The following COL4A4 variants were observed in gnomAD, a reference collection of about 807,000 sequenced individuals.
COL4A4 encodes the protein collagen type IV alpha 4 chain.
In COL4A4, 105 loss-of-function variants were observed where a neutral mutation model predicts 192.9. The observed-to-expected ratio is 0.54, with a 90% CI of 0.46 to 0.64. The LOEUF is 0.64. Ranked by LOEUF, COL4A4 falls within the 30% of genes least tolerant of loss-of-function variation. The pLI is 0.00. For synonymous variants in COL4A4, 762 were observed against 769.9 expected (o/e 0.99, Z 0.17); for missense variants, 1,967 against 2,169.3 (o/e 0.91, Z 1.85).
At chr2:227,113,095 T>A (rs1270888769) in intron 8 of COL4A4, among the ~76,000 whole-genome samples, 2 of 152,240 alleles carry the variant, frequency 1.3e-5, no homozygotes, top group African/African-American at 4.8e-5. Context: ...AATTGCTGGA[T>A]CATATAGTAA....
chr2:227,139,082 C>T (rs1164292276), intron 4 of COL4A4, among the ~76,000 whole-genome samples: 2 of 152,002 alleles, frequency 1.3e-5, no homozygotes, highest in Non-Finnish European at 2.9e-5. Flanking sequence ...GGATGAATGC[C>T]CATATAAATG....
intron 44 of COL4A4, among the ~76,000 whole-genome samples, chr2:227,020,964 C>T (rs1450860235): frequency 6.7e-6 from 1 of 149,880 alleles, no homozygotes; most frequent in African/African-American, 2.5e-5. Context: ...CTCCACCGTT[C>T]AAGCGATTCT....
At chr2:227,031,033 GGATGGACA>G (rs1968243726) in intron 40 of COL4A4, among the ~76,000 whole-genome samples, 1 of 150,748 alleles carries the variant, frequency 6.6e-6, no homozygotes. Flanking sequence ...ATAGATGGTT[GGATGGACA>G]GATGGATGGA....
chr2:227,020,880 C>CTTTTTTTTTTT lies in COL4A4; in HGVS notation c.4216+1157_4216+1167dup, dbSNP rs57119611. Among the ~76,000 whole-genome samples the CTTTTTTTTTTT allele has an allele frequency of 3.0e-3, 388 of 127,520 alleles. 32 individuals are homozygous for CTTTTTTTTTTT. Among genetic ancestry groups the CTTTTTTTTTTT allele is most frequent in the African/African-American group, 9.5e-3 (301 of 31,558 alleles). 83.7% of individuals were successfully genotyped at this position (127,520 alleles called of 152,430 possible). On this transcript the variant is annotated intron_variant, in intron 44 of 47. Transcript: ENST00000396625. ...CAAACCATTCGGAGAACACTTTTTT[C>CTTTTTTTTTTT]TTTTTTTTTTTTTTTTGAGATGGAG...
chr2:227,082,837 T>C (rs1234462522), intron 22 of COL4A4, among the ~76,000 whole-genome samples: 2 of 152,346 alleles, frequency 1.3e-5, no homozygotes, highest in African/African-American at 2.4e-5. Context: ...TTGGCTGACA[T>C]GCTCATGCTC....
intron 4 of COL4A4, among the ~76,000 whole-genome samples, chr2:227,129,666 C>T (rs1010354311): frequency 7.2e-5 from 11 of 152,134 alleles, no homozygotes; most frequent in Non-Finnish European, 1.2e-4. Flanking sequence ...CCCTCGGCCT[C>T]CCAAAGTGCC....
At chr2:226,974,196 GC>G in the COL4A4 span, among the ~76,000 whole-genome samples, 2 of 152,054 alleles carry the variant, frequency 1.3e-5, no homozygotes, top group African/African-American at 4.8e-5. Context: ...AGGGACTTGA[GC>G]CCAGAGTGTT....
chr2:227,007,439 T>C lies in COL4A4; in HGVS notation c.4959A>G (p.Thr1653=), dbSNP rs574960389. 45 of 1,614,218 alleles carry C rather than the reference T, an allele frequency of 2.8e-5. No individual in the cohort carries two copies. In the South Asian group the frequency reaches 4.4e-4, roughly 16 times the overall value. ...FFANKYSFWL[T]TVKADLQFSS... The stretch of plus-strand genomic sequence containing the variant: ...AAAACTGCAAGTCTGCTTTCACCGT[T>C]GTGAGCCAGAAGCTATACTTATTTG... The change falls in exon 48 of 48, where the codon ACA becomes ACG. Residue 1653 remains threonine, a synonymous_variant. Coordinates refer to ENST00000396625, the MANE Select transcript of COL4A4 (RefSeq NM_000092.5).
Position 227,043,165 on chromosome 2 carries a change from T to C in COL4A4, c.3309A>G (p.Gly1103=). 6.2e-7 allele frequency: 1 copy of C among 1,614,120 alleles called. No homozygotes were observed. The highest frequency in any genetic ancestry group is 8.5e-7 in the Non-Finnish European group (1 of 1,179,978). ...CTTGAATACCAGGCAAGCCCTGCTC[T>C]CCGGATGCTCCAAAATGCCCTAAAG... is the stretch of plus-strand genomic sequence containing the variant. ...PGCPGHFGAS[G]EQGLPGIQGP... is the part of the protein sequence containing the mutation. The change falls in exon 36 of 48, where the codon GGA becomes GGG. Residue 1103 remains glycine, a synonymous_variant. Transcript: ENST00000396625.
chr2:227,036,811 C>CG (rs375183775), intron 37 of COL4A4, among the ~76,000 whole-genome samples: 4 of 151,906 alleles, frequency 2.6e-5, no homozygotes, highest in African/African-American at 4.8e-5. Flanking sequence ...GTAAAAAAAG[C>CG]GGGGGGAGAA....
At chr2:227,114,794 C>T (rs2061403749) in intron 7 of COL4A4, 98 bp from the exon 8 acceptor site, 2 of 951,722 alleles carry the variant, frequency 2.1e-6, no homozygotes, top group Non-Finnish European at 1.7e-6. Context: ...GTTAAAATTA[C>T]CATTATTGAC....
rs1269562447 is a variant in COL4A4 at position 227,103,062 on chromosome 2, A to G, written c.870+82T>C. On this transcript the variant is annotated intron_variant, in intron 14 of 47. Coordinates refer to ENST00000396625, the MANE Select transcript of COL4A4 (RefSeq NM_000092.5). ...ATATATATTAGCACTTAAAGCAATG[A>G]TAAAGACCATGAGAAATAACATTTT... 3 of 1,305,458 alleles carry G rather than the reference A, an allele frequency of 2.3e-6. No individual in the cohort carries two copies. The East Asian group carries it at 6.9e-5, about 30-fold the overall frequency. 80.9% of individuals were successfully genotyped at this position (1,305,458 alleles called of 1,614,324 possible).
rs1221755696 is a variant in COL4A4 at position 227,007,877 on chromosome 2, G to A, written c.4809+141C>T. The A allele has an allele frequency of 3.8e-6, 4 of 1,041,602 alleles. No individual in the cohort carries two copies. The East Asian group carries it at 1.0e-4, about 27-fold the overall frequency. The allele number at this position is 1,041,602 out of a possible 1,614,324, so 64.5% of individuals were successfully genotyped here. A position where few individuals can be genotyped will look rare whatever the true frequency, so the allele number is the denominator to read the frequency against. Reference sequence around the variant, plus strand: ...AGATAATGGCCCTGCATCCCAACAGGCTATGGTTTGCAACAGTCCCCGTAA... The same window carrying A: ...AGATAATGGCCCTGCATCCCAACAGACTATGGTTTGCAACAGTCCCCGTAA... On this transcript the variant is annotated intron_variant, in intron 47 of 47. Coordinates refer to ENST00000396625, the MANE Select transcript of COL4A4 (RefSeq NM_000092.5).
rs62189848 is a variant in COL4A4, at chr2:227,027,993, C to T, written c.3990G>A (p.Pro1330=). 24 of 1,611,566 alleles carry T rather than the reference C, an allele frequency of 1.5e-5. No homozygotes were observed. The East Asian group carries it at 2.0e-4, about 13-fold the overall frequency. The change falls in exon 42 of 48, where the codon CCG becomes CCA. Residue 1330 remains proline, a synonymous_variant. Transcript: ENST00000396625. ...KDGQKGPVGF[P]GPQGPHGFPG... ...GAAATCCATGTGGTCCCTGCGGTCCCGGGAATCCCACTGGTCCTTAAAAAA... is the reference window on the plus strand; with the variant it reads ...GAAATCCATGTGGTCCCTGCGGTCCTGGGAATCCCACTGGTCCTTAAAAAA...
intron 12 of COL4A4, among the ~76,000 whole-genome samples, chr2:227,106,491 A>G (rs2060850371): frequency 6.6e-6 from 1 of 152,250 alleles, no homozygotes; most frequent in African/African-American, 2.4e-5. Flanking sequence ...CATTTAGGGC[A>G]GTGTTTCTTA....
intron 25 of COL4A4, among the ~76,000 whole-genome samples, chr2:227,069,507 G>C (rs1245809357): frequency 6.6e-6 from 1 of 151,350 alleles, no homozygotes; most frequent in Non-Finnish European, 1.5e-5. Flanking sequence ...CATGGTACTG[G>C]TACCAAAACA....
chr2:227,106,948 C>T (rs1464984592), intron 12 of COL4A4, among the ~76,000 whole-genome samples: 1 of 152,182 alleles, frequency 6.6e-6, no homozygotes. Context: ...TGAATGGCCA[C>T]CTCATAGCCA....
chr2:227,104,800 C>T (rs1576538367), intron 12 of COL4A4, among the ~76,000 whole-genome samples: 2 of 151,308 alleles, frequency 1.3e-5, no homozygotes, highest in East Asian at 2.0e-4. Context: ...GCCACCATGC[C>T]CGGCTAATTT....
chr2:227,016,298 C>A (rs554080609), intron 44 of COL4A4, among the ~76,000 whole-genome samples: 1 of 152,312 alleles, frequency 6.6e-6, no homozygotes, highest in East Asian at 1.9e-4. Context: ...CCAGGAGTCA[C>A]GTGTTCATTC....
Sources: gnomAD v4.1 joint callset for allele counts (sites outside exome capture counted in the v4.1 genomes callset) on GRCh38, gnomAD v4.1.1 for gene constraint, MANE v1.5 for transcripts, NCBI Gene and HGNC (gene_info 2026-07-23, HGNC 2026-07-21) for gene names.